NCBP3: variants seen among roughly 807,000 people sequenced by gnomAD.
NCBP3 encodes the protein nuclear cap binding subunit 3.
A neutral mutation model predicts 75.7 loss-of-function variants in NCBP3; 20 were observed. That is an observed-to-expected ratio of 0.26 (90% CI 0.19 to 0.38). NCBP3 has a LOEUF of 0.38. NCBP3 is among the 10% of genes least tolerant of loss of function. The pLI is 1.00. For synonymous variants in NCBP3, 293 were observed against 290.5 expected (o/e 1.01, Z -0.09); for missense variants, 678 against 796.9 (o/e 0.85, Z 1.80).
rs1350525314 is a variant in NCBP3 at position 3,812,627 on chromosome 17, TTTC to T, written c.*414_*416del. ...TCCAATAAGCACCTGGGAATTGACT[TTTC>T]TTGGGAAAAGGGTGCTGGTAACAGC... On this transcript the variant is annotated 3_prime_UTR_variant, in exon 13 of 13. Transcript: ENST00000389005. The T allele has an allele frequency of 2.9e-6, 3 of 1,017,962 alleles. No homozygotes were observed. The highest frequency in any genetic ancestry group is 3.5e-6 in the Non-Finnish European group (3 of 849,564). 63.1% of individuals were successfully genotyped at this position (1,017,962 alleles called of 1,614,324 possible). A position where few individuals can be genotyped will look rare whatever the true frequency, so the allele number is the denominator to read the frequency against.
intron 6 of NCBP3, 143 bp from the exon 7 acceptor site, chr17:3,825,193 C>CA: frequency 3.8e-6 from 2 of 530,806 alleles, no homozygotes; most frequent in Admixed American, 3.6e-5. Context: ...ATTTCTAACT[C>CA]AGAGATTTCC....
rs961867198 is a variant in NCBP3 at position 3,840,220 on chromosome 17, A to G, written c.250-15T>C. 14 of 1,548,774 alleles carry G rather than the reference A, an allele frequency of 9.0e-6. No individual in the cohort carries two copies. The highest frequency in any genetic ancestry group is 1.4e-5 in the African/African-American group (1 of 72,982). ...TCAATTGCTTCCTAGAAAGTACAGA[A>G]AAAGTGAAAGTAGTAAAATATGGAG... On this transcript the variant is annotated splice_polypyrimidine_tract_variant and intron_variant, in intron 2 of 12. Transcript: ENST00000389005.
In NCBP3 at chr17:3,832,581, A is replaced by G. The variant is rs2053903112; in HGVS notation, c.356-3213T>C. Among the ~76,000 whole-genome samples, 8 of 148,702 alleles carry G rather than the reference A, an allele frequency of 5.4e-5. No individual in the cohort carries two copies. In the Admixed American group the frequency reaches 5.4e-4, roughly 10 times the overall value. On this transcript the variant is annotated intron_variant, in intron 3 of 12. Transcript: ENST00000389005. ...GGGAGGCGGAGGTTGCAGTGAGCCG[A>G]GATCGCACGACTGCACTCCAGCCTG...
rs2053526541 is a variant in NCBP3 at position 3,816,127 on chromosome 17, C to T, written c.1454G>A (p.Ser485Asn). ...GTGAGGAACAGTACCTGATTTAGTA[C>T]TGCTGACTGGTGGCCGTGGACGGGA... Reference protein sequence around the residue: ...QHSRPRPPVSSTKSDIRQRLG... With the variant: ...QHSRPRPPVSNTKSDIRQRLG... Residue 485 changes from serine to asparagine, a missense_variant, in exon 11 of 13, where the codon AGT becomes AAT. Ser to Asn is a conservative substitution (Grantham distance 46, BLOSUM62 1). Around this residue, in one of 7 missense-constraint regions of NCBP3, gnomAD observed 365 missense variants for 392.7 expected, o/e 0.93. Transcript: ENST00000389005. The T allele has an allele frequency of 1.9e-6, 3 of 1,613,814 alleles. No individual in the cohort carries two copies. The highest frequency in any genetic ancestry group is 2.5e-6 in the Non-Finnish European group (3 of 1,179,842).
chr17:3,809,701 T>C lies in NCBP3; in HGVS notation c.*3343A>G, dbSNP rs2053380198. The C allele has an allele frequency of 6.6e-6, 1 of 152,066 alleles. No individual in the cohort carries two copies. Among genetic ancestry groups the C allele is most frequent in the Non-Finnish European group, 1.5e-5 (1 of 68,026 alleles). The allele number at this position is 152,066 out of a possible 1,614,324, so 9.4% of individuals were successfully genotyped here. The stretch of plus-strand genomic sequence containing the variant: ...AGCCTGCACAACAAGAGCGAAACTG[T>C]GTCTCAAAAATAAATAATAGAAATA... On this transcript the variant is annotated 3_prime_UTR_variant, in exon 13 of 13. Coordinates refer to ENST00000389005, the MANE Select transcript of NCBP3 (RefSeq NM_001114118.3).
chr17:3,840,159 C>A lies in NCBP3; in HGVS notation c.296G>T (p.Arg99Leu), dbSNP rs1023819522. 7.1e-6 allele frequency: 11 copies of A among 1,551,564 alleles called. No individual in the cohort carries two copies. The highest frequency in any genetic ancestry group is 4.1e-5 in the African/African-American group (3 of 73,020). ...TCTTTGGGCAAGATTTACTTCCGAT[C>A]GAAAATGGAAGCGCTTGGCTCGCTG... ...KEQRAKRFHF[R>L]SEVNLAQRNV... Residue 99 changes from arginine (R) to leucine (L), a missense_variant, in exon 3 of 13, where the codon CGA becomes CTA. Physicochemically the swap from Arg to Leu is moderately radical, Grantham distance 102. This residue lies in a region of NCBP3 where 46 missense variants were observed against 82.8 expected (regional missense o/e 0.56). Coordinates refer to ENST00000389005, the MANE Select transcript of NCBP3 (RefSeq NM_001114118.3).
chr17:3,836,237 G>A (rs780820278), intron 3 of NCBP3, among the ~76,000 whole-genome samples: 10 of 152,184 alleles, frequency 6.6e-5, no homozygotes, highest in African/African-American at 9.7e-5. Flanking sequence ...CTTAAATGAC[G>A]GCTGGGAAGA....
intron 7 of NCBP3, 47 bp from the exon 8 acceptor site, chr17:3,822,099 A>G: frequency 1.5e-6 from 2 of 1,291,576 alleles, no homozygotes; most frequent in Non-Finnish European, 2.2e-6. Context: ...GTGAGTGTAA[A>G]GACAATGTTG....
intron 4 of NCBP3, among the ~76,000 whole-genome samples, chr17:3,828,640 C>T (rs982253849): frequency 1.3e-5 from 2 of 151,954 alleles, no homozygotes; most frequent in Non-Finnish European, 2.9e-5. Flanking sequence ...AGTAAGCAGG[C>T]AAGTTAAAAA....
chr17:3,817,614 G>A (rs2053563015), intron 10 of NCBP3, among the ~76,000 whole-genome samples: 1 of 152,014 alleles, frequency 6.6e-6, no homozygotes, highest in Non-Finnish European at 1.5e-5. Flanking sequence ...GGGTGACAGA[G>A]CGAGACTCCG....
At position 3,814,304 on chromosome 17, in the gene NCBP3, G is replaced by A. The variant is rs762809591; in HGVS notation, c.1627+18C>T. ...TCTCACTGAATCCCCATTCCCATCC[G>A]TTTTAAGTGTTACCAACCTGATTTC... On this transcript the variant is annotated intron_variant, in intron 12 of 12. Transcript: ENST00000389005. 103 of 1,613,230 alleles carry A rather than the reference G, an allele frequency of 6.4e-5. 1 individual carries two copies. In the South Asian group the frequency reaches 8.1e-4, roughly 13 times the overall value.
chr17:3,832,738 C>T (rs2053906642), intron 3 of NCBP3, among the ~76,000 whole-genome samples: 1 of 151,962 alleles, frequency 6.6e-6, no homozygotes, highest in South Asian at 2.1e-4. Context: ...AATTTTTTAG[C>T]CCATCCTTCT....
rs1018160478 is a variant in NCBP3 at position 3,809,589 on chromosome 17, C to T, written c.*3455G>A. 6.6e-6 allele frequency: 1 copy of T among 152,166 alleles called. No individual in the cohort carries two copies. Among genetic ancestry groups the T allele is most frequent in the Non-Finnish European group, 1.5e-5 (1 of 68,060 alleles). 9.4% of individuals were successfully genotyped at this position (152,166 alleles called of 1,614,324 possible). A position where few individuals can be genotyped will look rare whatever the true frequency, so the allele number is the denominator to read the frequency against. On this transcript the variant is annotated 3_prime_UTR_variant, in exon 13 of 13. Coordinates refer to ENST00000389005, the MANE Select transcript of NCBP3 (RefSeq NM_001114118.3). ...AGCGTGGTGGCACATGCCTGTAATC[C>T]CAGCTACTCTGGAGGCTGAGGCAGG...
rs550655102 is a variant in NCBP3 at position 3,819,207 on chromosome 17, T to G, written c.1001-635A>C. 2.6e-5 allele frequency among the ~76,000 whole-genome samples: 4 copies of G among 152,334 alleles called. No homozygotes were observed. In the East Asian group the frequency reaches 7.7e-4, roughly 29 times the overall value. ...ATTCAGGCATGAGTTATAGGGCTAC[T>G]GGCTGTGAACTCAATGTTAACGAAT... On this transcript the variant is annotated intron_variant, in intron 9 of 12. Coordinates refer to ENST00000389005, the MANE Select transcript of NCBP3 (RefSeq NM_001114118.3).
chr17:3,838,396 C>T (rs1694562566), intron 3 of NCBP3, among the ~76,000 whole-genome samples: 1 of 152,228 alleles, frequency 6.6e-6, no homozygotes, highest in Non-Finnish European at 1.5e-5. Flanking sequence ...TATGCTTGCG[C>T]CCGGCTGTGC....
Position 3,804,113 on chromosome 17 carries a change from T to G in NCBP3, c.*8931A>C, listed in dbSNP as rs917868620. On this transcript the variant is annotated 3_prime_UTR_variant, in exon 13 of 13. Transcript: ENST00000389005. Reference sequence around the variant, plus strand: ...CAGGTGCACTTGTAGTCACAGTTACTTAAGAGGTTCAAGCTACTTGGGAAA... The same window carrying G: ...CAGGTGCACTTGTAGTCACAGTTACGTAAGAGGTTCAAGCTACTTGGGAAA... 6.6e-6 allele frequency: 1 copy of G among 152,170 alleles called. No homozygotes were observed. Among genetic ancestry groups the G allele is most frequent in the Non-Finnish European group, 1.5e-5 (1 of 68,056 alleles). 9.4% of individuals were successfully genotyped at this position (152,170 alleles called of 1,614,324 possible). A position where few individuals can be genotyped will look rare whatever the true frequency, so the allele number is the denominator to read the frequency against.
At position 3,804,373 on chromosome 17, in the gene NCBP3, C is replaced by G. The variant is rs533455689; in HGVS notation, c.*8671G>C. On this transcript the variant is annotated 3_prime_UTR_variant, in exon 13 of 13. Transcript: ENST00000389005. ...ACCAGCCTGGGCAACATGGTGAAACCCTGTCTTTACTAAAAACACAAAAAA... is the reference window on the plus strand; with the variant it reads ...ACCAGCCTGGGCAACATGGTGAAACGCTGTCTTTACTAAAAACACAAAAAA... The G allele has an allele frequency of 1.3e-5, 2 of 151,582 alleles. No individual in the cohort carries two copies. The highest frequency in any genetic ancestry group is 2.9e-5 in the Non-Finnish European group (2 of 67,944). 9.4% of individuals were successfully genotyped at this position (151,582 alleles called of 1,614,324 possible).
chr17:3,813,068 G>C lies in NCBP3; in HGVS notation c.1839C>G (p.Ser613Arg). 4 of 1,614,204 alleles carry C rather than the reference G, an allele frequency of 2.5e-6. No homozygotes were observed. Among genetic ancestry groups the C allele is most frequent in the Non-Finnish European group, 2.5e-6 (3 of 1,180,034 alleles). Residue 613 changes from serine (S) to arginine (R), a missense_variant, in exon 13 of 13, where the codon AGC becomes AGG. Around this residue, in one of 7 missense-constraint regions of NCBP3, gnomAD observed 365 missense variants for 392.7 expected, o/e 0.93. Transcript: ENST00000389005. Reference protein sequence around the residue: ...SLQIEVSRESSSGSEAES With the variant: ...SLQIEVSRESRSGSEAES Reference sequence around the variant, plus strand: ...ATCAGGACTCTGCCTCTGAACCAGAGCTGCTTTCCCGACTAACTTCAATCT... The same window carrying C: ...ATCAGGACTCTGCCTCTGAACCAGACCTGCTTTCCCGACTAACTTCAATCT...
chr17:3,845,251 C>A (rs1431624365), intron 1 of NCBP3, among the ~76,000 whole-genome samples: 1 of 152,178 alleles, frequency 6.6e-6, no homozygotes, highest in Non-Finnish European at 1.5e-5. Flanking sequence ...TTTAACCTTT[C>A]TCCATAACTT....
Sources: allele counts gnomAD v4.1 joint callset (sites outside exome capture counted in the v4.1 genomes callset), GRCh38; gene constraint gnomAD v4.1.1; regional missense constraint gnomAD v4.1.1; transcripts MANE v1.5; gene names NCBI Gene and HGNC (gene_info 2026-07-23, HGNC 2026-07-21).